Variants in PTPRN2 observed in about 807,000 individuals in gnomAD.
PTPRN2 encodes protein tyrosine phosphatase receptor type N2.
PTPRN2 carries 74 observed loss-of-function variants against 118.8 expected under a neutral mutation model. That is an observed-to-expected ratio of 0.62 (90% CI 0.52 to 0.76). The LOEUF is 0.76. Ranked by LOEUF, PTPRN2 falls within the 30% of genes least tolerant of loss-of-function variation. PTPRN2 has a pLI of 0.00. For missense variants in PTPRN2, 1,481 were observed against 1,394.4 expected, an observed-to-expected ratio of 1.06 and a Z score of -0.99; for synonymous variants, 641 against 608.0, an observed-to-expected ratio of 1.05 and a Z score of -0.80.
chr7:158,433,234 T>C (rs1259688385), intron 2 of PTPRN2, among the ~76,000 whole-genome samples: 2 of 152,264 alleles, frequency 1.3e-5, no homozygotes, highest in Non-Finnish European at 2.9e-5. Context: ...TAAGCTGTTA[T>C]AAATCAAGCT....
chr7:158,052,837 GTC>G (rs887825442), intron 11 of PTPRN2, among the ~76,000 whole-genome samples: 6 of 152,182 alleles, frequency 3.9e-5, no homozygotes, highest in Non-Finnish European at 7.4e-5. Context: ...GCCACTCGGG[GTC>G]CACCACGTTC....
At chr7:158,157,140 G>C (rs1260283256) in intron 6 of PTPRN2, among the ~76,000 whole-genome samples, 1 of 151,476 alleles carries the variant, frequency 6.6e-6, no homozygotes, top group East Asian at 2.0e-4. Flanking sequence ...TGTGGCTCTG[G>C]AAGGCCTCCC....
intron 3 of PTPRN2, among the ~76,000 whole-genome samples, chr7:158,268,437 C>A (rs1256623953): frequency 6.8e-6 from 1 of 146,502 alleles, no homozygotes; most frequent in Non-Finnish European, 1.5e-5. Context: ...CGCATGCACA[C>A]AGGGCAGGTG....
At chr7:158,269,318 G>C (rs1241719958) in intron 3 of PTPRN2, among the ~76,000 whole-genome samples, 4 of 152,202 alleles carry the variant, frequency 2.6e-5, no homozygotes, top group Admixed American at 2.0e-4. Flanking sequence ...GCCATGCCTG[G>C]TGCAGAAAGG....
intron 1 of PTPRN2, among the ~76,000 whole-genome samples, chr7:158,571,507 A>T (rs1049489220): frequency 1.3e-5 from 2 of 148,274 alleles, no homozygotes; most frequent in Admixed American, 1.4e-4. Context: ...AAAAACAAAA[A>T]AAAACACACA....
chr7:158,583,944 A>T (rs1255856101), intron 1 of PTPRN2, among the ~76,000 whole-genome samples: 1 of 152,198 alleles, frequency 6.6e-6, no homozygotes, highest in East Asian at 1.9e-4. Flanking sequence ...GGATCCTTTG[A>T]TTTAAAAATA....
chr7:157,937,387 G>A (rs146623781), intron 11 of PTPRN2, among the ~76,000 whole-genome samples: 2 of 152,220 alleles, frequency 1.3e-5, no homozygotes, highest in Non-Finnish European at 2.9e-5. Flanking sequence ...GTGGGGACTG[G>A]AGCAATTCAC....
chr7:158,326,460 G>A (rs1024483468), intron 2 of PTPRN2, among the ~76,000 whole-genome samples: 1 of 152,230 alleles, frequency 6.6e-6, no homozygotes, highest in Non-Finnish European at 1.5e-5. Flanking sequence ...GTACACGTGT[G>A]CACAATACAC....
At position 157,794,134 on chromosome 7, in the gene PTPRN2, C is replaced by G. The variant is rs1261876904; in HGVS notation, c.1788+104539G>C. 6.6e-6 allele frequency among the ~76,000 whole-genome samples: 1 copy of G among 150,790 alleles called. No homozygotes were observed. Among genetic ancestry groups the G allele is most frequent in the African/African-American group, 2.4e-5 (1 of 41,240 alleles). ...TCTGCTCTGACCCGGGCTCGCACCT[C>G]CCCTCGTTCTCTGCTCTGACCCGGG... On this transcript the variant is annotated intron_variant, in intron 12 of 22. Coordinates refer to ENST00000389418, the MANE Select transcript of PTPRN2 (RefSeq NM_002847.5). This position sits in a 1 kb window ranked among gnomAD's most constrained non-coding sequence, Gnocchi z 5.2.
At chr7:158,397,351 G>A (rs756189741) in intron 2 of PTPRN2, among the ~76,000 whole-genome samples, 3 of 152,172 alleles carry the variant, frequency 2.0e-5, no homozygotes, top group Non-Finnish European at 2.9e-5. Context: ...CACCCTCAGC[G>A]GTTGTGAACC....
chr7:157,944,947 C>G lies in PTPRN2; in HGVS notation c.1724-46210G>C, dbSNP rs551634785. ...TAAACAGAGACTCTGAAATAAACAC[C>G]GTGCCGAATGGAGCCTGTGCAGCTC... On this transcript the variant is annotated intron_variant, in intron 11 of 22. Coordinates refer to ENST00000389418, the MANE Select transcript of PTPRN2 (RefSeq NM_002847.5). The surrounding 1 kb of genome is among the most constrained non-coding windows in gnomAD (Gnocchi z 4.3). Among the ~76,000 whole-genome samples, 7 of 152,168 alleles carry G rather than the reference C, an allele frequency of 4.6e-5. No homozygotes were observed. The highest frequency in any genetic ancestry group is 1.3e-4 in the Admixed American group (2 of 15,280).
intron 2 of PTPRN2, among the ~76,000 whole-genome samples, chr7:158,418,737 T>C (rs1042807245): frequency 3.9e-5 from 6 of 152,174 alleles, no homozygotes; most frequent in Admixed American, 6.5e-5. Context: ...TAAGTCACGG[T>C]GTACTACATC....
chr7:158,134,586 A>T (rs895031146), intron 8 of PTPRN2, among the ~76,000 whole-genome samples: 1 of 152,156 alleles, frequency 6.6e-6, no homozygotes, highest in African/African-American at 2.4e-5. Flanking sequence ...ACCCCAGTTC[A>T]CAGAAGGGGA....
intron 14 of PTPRN2, among the ~76,000 whole-genome samples, chr7:157,650,751 C>T (rs1054422187): frequency 3.9e-5 from 6 of 152,328 alleles, no homozygotes; most frequent in East Asian, 3.9e-4. Flanking sequence ...GCACTGGTGG[C>T]GTGGGGTGCA....
At chr7:158,177,116 T>C (rs1351848849) in intron 5 of PTPRN2, among the ~76,000 whole-genome samples, 7 of 152,142 alleles carry the variant, frequency 4.6e-5, no homozygotes, top group Non-Finnish European at 1.0e-4. Flanking sequence ...TGGATAGACA[T>C]CCAGAGGGGA....
intron 2 of PTPRN2, among the ~76,000 whole-genome samples, chr7:158,340,647 T>A (rs1397080085): frequency 9.7e-6 from 1 of 103,070 alleles, no homozygotes; most frequent in East Asian, 3.0e-4. Context: ...CCATAAGAGC[T>A]GACGCCCGCA....
At chr7:158,536,150 T>C (rs556535484) in intron 1 of PTPRN2, among the ~76,000 whole-genome samples, 2 of 151,868 alleles carry the variant, frequency 1.3e-5, no homozygotes, top group South Asian at 4.2e-4. Context: ...AATTCAAAAA[T>C]ATAAAACATG....
At chr7:158,316,962 C>G in intron 2 of PTPRN2, 30 bp from the exon 3 acceptor site, 1 of 1,526,136 alleles carries the variant, frequency 6.6e-7, no homozygotes, top group Non-Finnish European at 9.0e-7. Flanking sequence ...TAAGACAGAA[C>G]GAGACGTTTC....
At chr7:157,556,965 GCA>G (rs1393021601) in intron 21 of PTPRN2, among the ~76,000 whole-genome samples, 4 of 146,876 alleles carry the variant, frequency 2.7e-5, no homozygotes, top group Admixed American at 6.8e-5. Context: ...CATGTCATAT[GCA>G]CACACATGCA....
Sources: allele counts gnomAD v4.1 joint callset (sites outside exome capture counted in the v4.1 genomes callset), GRCh38; gene constraint gnomAD v4.1.1; non-coding constraint Gnocchi (gnomAD v3.1); transcripts MANE v1.5; gene names NCBI Gene and HGNC (gene_info 2026-07-23, HGNC 2026-07-21).